ADGRB3: variants seen among roughly 807,000 people sequenced by gnomAD.
ADGRB3 encodes the protein adhesion G protein-coupled receptor B3, also known as brain-specific angiogenesis inhibitor 3.
In ADGRB3, 37 loss-of-function variants were observed where a neutral mutation model predicts 193.4. That is an observed-to-expected ratio of 0.19 (90% CI 0.15 to 0.25). The LOEUF (loss-of-function observed/expected upper bound fraction) is 0.25, where lower values mean the gene tolerates loss of function less well. Among genes scored for constraint, ADGRB3 ranks in the 10% least tolerant of loss-of-function variants. The pLI is 1.00. For missense variants in ADGRB3, 1,637 were observed against 1,852.9 expected, an observed-to-expected ratio of 0.88 and a Z score of 2.14; for synonymous variants, 690 against 644.2, an observed-to-expected ratio of 1.07 and a Z score of -1.08.
chr6:69,020,881 T>C (rs996851243), intron 13 of ADGRB3, among the ~76,000 whole-genome samples: 9 of 152,036 alleles, frequency 5.9e-5, no homozygotes, highest in Non-Finnish European at 1.0e-4. Context: ...TTAAGTAATA[T>C]GAATAATGAT....
chr6:68,641,761 G>A (rs990644307), intron 3 of ADGRB3, among the ~76,000 whole-genome samples: 1 of 151,918 alleles, frequency 6.6e-6, no homozygotes, highest in Admixed American at 6.6e-5. Flanking sequence ...TCTCTTTTTG[G>A]CTAGGCTACA....
At chr6:69,284,764 ATTAAT>A (rs1767512938) in intron 20 of ADGRB3, among the ~76,000 whole-genome samples, 1 of 152,162 alleles carries the variant, frequency 6.6e-6, no homozygotes, top group African/African-American at 2.4e-5. Flanking sequence ...CTAATATGTA[ATTAAT>A]TTGTTTTGTT....
intron 5 of ADGRB3, among the ~76,000 whole-genome samples, chr6:68,939,249 G>A (rs763041110): frequency 1.3e-3 from 194 of 152,202 alleles, no homozygotes; most frequent in Middle Eastern, 3.4e-3. Flanking sequence ...GCCTGAGGTA[G>A]CAATTTTTTG....
At chr6:68,642,174 A>C (rs1768098452) in intron 3 of ADGRB3, among the ~76,000 whole-genome samples, 1 of 152,186 alleles carries the variant, frequency 6.6e-6, no homozygotes, top group African/African-American at 2.4e-5. Flanking sequence ...CTGACTCAGA[A>C]GGCCTGCCTT....
rs73467710 is a variant in ADGRB3 at position 68,990,831 on chromosome 6, C to A, written c.1735-2937C>A. The stretch of plus-strand genomic sequence containing the variant: ...GACATTAATTATTTACCGTGGCAAC[C>A]ATTGCTACATTCCATTCCTAATGGA... On this transcript the variant is annotated intron_variant, in intron 10 of 31. Coordinates refer to ENST00000370598, the MANE Select transcript of ADGRB3 (RefSeq NM_001704.3). Among the ~76,000 whole-genome samples the A allele has an allele frequency of 7.8e-3, 1,182 of 152,216 alleles. 10 individuals carry two copies. The highest frequency in any genetic ancestry group is 0.025 in the African/African-American group (1,021 of 41,534).
chr6:68,990,189 G>A (rs1769194356), intron 10 of ADGRB3, among the ~76,000 whole-genome samples: 1 of 151,824 alleles, frequency 6.6e-6, no homozygotes, highest in Admixed American at 6.6e-5. Flanking sequence ...CTAGGAAATA[G>A]GTAGTGAAAG....
At chr6:68,808,343 C>T (rs1053806468) in intron 3 of ADGRB3, among the ~76,000 whole-genome samples, 15 of 151,818 alleles carry the variant, frequency 9.9e-5, no homozygotes, top group African/African-American at 3.1e-4. Flanking sequence ...CAGATACCAT[C>T]GGAACAGTTC....
intron 3 of ADGRB3, among the ~76,000 whole-genome samples, chr6:68,747,115 A>T (rs1023518454): frequency 6.6e-6 from 1 of 152,198 alleles, no homozygotes; most frequent in Admixed American, 6.5e-5. Flanking sequence ...TTATATAATC[A>T]CATGTAATGC....
intron 3 of ADGRB3, among the ~76,000 whole-genome samples, chr6:68,814,614 G>A (rs1767589221): frequency 1.3e-5 from 2 of 152,056 alleles, no homozygotes; most frequent in Admixed American, 1.3e-4. Context: ...TATACATGAA[G>A]TCCTTGCCCA....
chr6:69,010,791 T>G (rs145051326), intron 11 of ADGRB3, among the ~76,000 whole-genome samples: 2 of 127,550 alleles, frequency 1.6e-5, no homozygotes, highest in African/African-American at 3.0e-5. Flanking sequence ...AAAAAAAAAA[T>G]CAAAAAACAA....
intron 15 of ADGRB3, among the ~76,000 whole-genome samples, chr6:69,053,580 T>C (rs1356686827): frequency 1.3e-5 from 2 of 152,164 alleles, no homozygotes; most frequent in Non-Finnish European, 2.9e-5. Flanking sequence ...TACCAAGGCT[T>C]GAGTTTGTCA....
At chr6:69,228,663 G>T (rs1475354390) in intron 17 of ADGRB3, among the ~76,000 whole-genome samples, 3 of 152,158 alleles carry the variant, frequency 2.0e-5, no homozygotes, top group African/African-American at 7.2e-5. Flanking sequence ...AGTGAATGAA[G>T]TGCATATATA....
Position 69,338,139 on chromosome 6 carries a change from T to C in ADGRB3, c.3189-777T>C, listed in dbSNP as rs576609333. ...TGCTTCTATAATGTAGTAGATGGAG[T>C]ATGAATTGTTTGAATCTGAATTTAT... On this transcript the variant is annotated intron_variant, in intron 24 of 31. Transcript: ENST00000370598. Among the ~76,000 whole-genome samples, 6 of 152,226 alleles carry C rather than the reference T, an allele frequency of 3.9e-5. No individual in the cohort carries two copies. The South Asian group carries it at 1.2e-3, about 32-fold the overall frequency.
chr6:68,927,015 G>T (rs1223163187), intron 3 of ADGRB3, among the ~76,000 whole-genome samples: 1 of 152,108 alleles, frequency 6.6e-6, no homozygotes, highest in African/African-American at 2.4e-5. Flanking sequence ...CACAGTGAAA[G>T]ATTGAGAAAA....
Position 68,663,164 on chromosome 6 carries a change from A to C in ADGRB3, c.757+23732A>C, listed in dbSNP as rs542685761. 2.0e-3 allele frequency among the ~76,000 whole-genome samples: 296 copies of C among 151,484 alleles called. 3 individuals carry two copies. The highest frequency in any genetic ancestry group is 6.9e-3 in the African/African-American group (288 of 41,472). ...TCATTTTCCTAAAGTTTCATAAATA[A>C]ATACAAAGAAGACTAAATTTTGAGT... On this transcript the variant is annotated intron_variant, in intron 3 of 31. Transcript: ENST00000370598.
intron 17 of ADGRB3, among the ~76,000 whole-genome samples, chr6:69,158,435 C>A (rs201905749): frequency 5.3e-4 from 77 of 146,266 alleles, no homozygotes; most frequent in East Asian, 5.9e-4. Context: ...AAAGTTCAGC[C>A]AAAAAAAAAA....
intron 3 of ADGRB3, among the ~76,000 whole-genome samples, chr6:68,887,145 C>T (rs989460973): frequency 1.3e-5 from 2 of 151,320 alleles, no homozygotes; most frequent in South Asian, 2.1e-4. Flanking sequence ...TTTCTAAAAG[C>T]GATATTGTTA....
At chr6:69,201,818 G>A (rs1765423092) in intron 17 of ADGRB3, among the ~76,000 whole-genome samples, 1 of 151,916 alleles carries the variant, frequency 6.6e-6, no homozygotes, top group Non-Finnish European at 1.5e-5. Flanking sequence ...CTACCTCCAG[G>A]ATATTCCTAC....
At chr6:68,663,358 A>G (rs1454118440) in intron 3 of ADGRB3, among the ~76,000 whole-genome samples, 3 of 151,776 alleles carry the variant, frequency 2.0e-5, no homozygotes, top group East Asian at 3.9e-4. Context: ...CCAAATTTGC[A>G]TAATAAATCA....
Sources: gnomAD v4.1 joint callset for allele counts (sites outside exome capture counted in the v4.1 genomes callset) on GRCh38, gnomAD v4.1.1 for gene constraint, MANE v1.5 for transcripts, NCBI Gene and HGNC (gene_info 2026-07-23, HGNC 2026-07-21) for gene names.